The following CEP128 variants were observed in gnomAD, a reference collection of about 807,000 sequenced individuals.
The protein encoded by CEP128 is centrosomal protein 128kDa.
CEP128 carries 132 observed loss-of-function variants against 156.7 expected under a neutral mutation model. That is an observed-to-expected ratio of 0.84 (90% CI 0.73 to 0.97). The LOEUF (loss-of-function observed/expected upper bound fraction) is 0.97. CEP128 is among the 50% of genes least tolerant of loss of function. The pLI, the probability that CEP128 is intolerant of heterozygous loss-of-function variation, is 0.00. For missense variants in CEP128, 1,252 were observed against 1,281.9 expected, an observed-to-expected ratio of 0.98 and a Z score of 0.36; for synonymous variants, 469 against 448.9, an observed-to-expected ratio of 1.04 and a Z score of -0.57.
Position 80,554,784 on chromosome 14 carries a change from G to GT in CEP128, c.2880+4494dup, listed in dbSNP as rs1164604714. Among the ~76,000 whole-genome samples, 4 of 150,904 alleles carry GT rather than the reference G, an allele frequency of 2.7e-5. No individual in the cohort carries two copies. The East Asian group carries it at 5.9e-4, about 22-fold the overall frequency. ...CTTTACTTTGTTAGCCCTATTGCATGTTTTTTTCTATTTCATTAATTTTCA... is the reference window on the plus strand; with the variant it reads ...CTTTACTTTGTTAGCCCTATTGCATGTTTTTTTTCTATTTCATTAATTTTCA... On this transcript the variant is annotated intron_variant, in intron 21 of 24. Transcript: ENST00000555265.
intron 19 of CEP128, among the ~76,000 whole-genome samples, chr14:80,638,277 A>C (rs915899930): frequency 1.3e-5 from 2 of 152,206 alleles, no homozygotes; most frequent in Non-Finnish European, 2.9e-5. Flanking sequence ...ACTTTAGGCC[A>C]CGTAAAACTC....
chr14:80,599,265 C>CTTT (rs375136337), intron 19 of CEP128, among the ~76,000 whole-genome samples: 207 of 85,406 alleles, frequency 2.4e-3, no homozygotes, highest in Non-Finnish European at 2.9e-3. Flanking sequence ...CAGTCATATT[C>CTTT]TTTTTTTTTT....
chr14:80,704,936 C>G (rs1244301933), intron 19 of CEP128, among the ~76,000 whole-genome samples: 1 of 152,006 alleles, frequency 6.6e-6, no homozygotes. Flanking sequence ...CAATGCATGA[C>G]CAATCTTTTT....
intron 19 of CEP128, among the ~76,000 whole-genome samples, chr14:80,682,525 G>A (rs1014106685): frequency 6.6e-5 from 10 of 152,152 alleles, no homozygotes; most frequent in African/African-American, 1.7e-4. Flanking sequence ...AAACGTATTC[G>A]AGGGAATAAT....
chr14:80,887,009 A>G lies in CEP128; in HGVS notation c.645+8709T>C, dbSNP rs565401185. On this transcript the variant is annotated intron_variant, in intron 8 of 24. Coordinates refer to ENST00000555265, the MANE Select transcript of CEP128 (RefSeq NM_152446.5). ...AGTCTCTGATAAAACAGACTTTAAA[A>G]CAAAAAGATCAAAAAAGACAAAGGG... 2.0e-5 allele frequency among the ~76,000 whole-genome samples: 3 copies of G among 152,284 alleles called. No homozygotes were observed. In the South Asian group the frequency reaches 6.2e-4, roughly 32 times the overall value.
At chr14:80,617,030 A>C (rs1196641950) in intron 19 of CEP128, among the ~76,000 whole-genome samples, 1 of 152,030 alleles carries the variant, frequency 6.6e-6, no homozygotes, top group Non-Finnish European at 1.5e-5. Flanking sequence ...TAAAGAAAAA[A>C]AACTTCTGAT....
chr14:80,573,434 A>G (rs1158327705), intron 20 of CEP128, among the ~76,000 whole-genome samples: 2 of 152,146 alleles, frequency 1.3e-5, no homozygotes, highest in Non-Finnish European at 2.9e-5. Context: ...AGAACCAGGC[A>G]TGTTTTTATA....
chr14:80,825,139 GA>G (rs1485944058), intron 13 of CEP128, among the ~76,000 whole-genome samples: 1 of 152,168 alleles, frequency 6.6e-6, no homozygotes, highest in Non-Finnish European at 1.5e-5. Flanking sequence ...CTGCCCCCAT[GA>G]TTCAATAATT....
At chr14:80,684,850 C>T (rs75658276) in intron 19 of CEP128, among the ~76,000 whole-genome samples, 3,810 of 151,732 alleles carry the variant, frequency 0.025, 64 homozygotes, top group Non-Finnish European at 0.039. Context: ...TAAAAAAATA[C>T]GATCATCTCA....
At chr14:80,743,679 T>C (rs1437241005) in intron 18 of CEP128, among the ~76,000 whole-genome samples, 1 of 152,162 alleles carries the variant, frequency 6.6e-6, no homozygotes, top group Admixed American at 6.6e-5. Flanking sequence ...ATAAAATTCC[T>C]AGCATGACTT....
intron 19 of CEP128, among the ~76,000 whole-genome samples, chr14:80,676,534 C>G: frequency 6.6e-6 from 1 of 151,964 alleles, no homozygotes; most frequent in East Asian, 1.9e-4. Context: ...ATATCTTCAT[C>G]TTAGTTTATT....
chr14:80,647,685 T>G (rs142619117), intron 19 of CEP128, among the ~76,000 whole-genome samples: 3 of 152,048 alleles, frequency 2.0e-5, no homozygotes, highest in African/African-American at 7.2e-5. Context: ...GTCTGGTGAA[T>G]AGCGACCAGG....
chr14:80,725,837 A>G (rs1898002368), intron 19 of CEP128, among the ~76,000 whole-genome samples: 1 of 152,214 alleles, frequency 6.6e-6, no homozygotes, highest in African/African-American at 2.4e-5. Context: ...TTTTTCAGCT[A>G]TATTGGTAGA....
rs555124377 is a variant in CEP128, at chr14:80,626,395, C to T, written c.2807-45972G>A. On this transcript the variant is annotated intron_variant, in intron 19 of 24. Transcript: ENST00000555265. ...AGGAGAATGGCGTGAACCCGGGAAG[C>T]GGAGCTTGCAGTGAGCCGAGATTGC... Among the ~76,000 whole-genome samples, 743 of 142,208 alleles carry T rather than the reference C, an allele frequency of 5.2e-3. 12 individuals are homozygous for T. The highest frequency in any genetic ancestry group is 0.019 in the African/African-American group (697 of 36,766). The allele number at this position is 142,208 out of a possible 152,430, so 93.3% of individuals were successfully genotyped here.
At chr14:80,553,681 G>A (rs943904175) in intron 21 of CEP128, among the ~76,000 whole-genome samples, 2 of 152,018 alleles carry the variant, frequency 1.3e-5, no homozygotes, top group African/African-American at 4.8e-5. Context: ...TATGTACTTT[G>A]AATTTTTTGT....
intron 13 of CEP128, among the ~76,000 whole-genome samples, chr14:80,821,268 G>A (rs1241200326): frequency 1.1e-4 from 16 of 152,108 alleles, no homozygotes; most frequent in Non-Finnish European, 2.9e-5. Flanking sequence ...CTATCAAGTT[G>A]AAATCACTCT....
intron 19 of CEP128, among the ~76,000 whole-genome samples, chr14:80,670,255 T>C (rs1895784127): frequency 6.6e-6 from 1 of 152,154 alleles, no homozygotes; most frequent in Non-Finnish European, 1.5e-5. Flanking sequence ...AAAGAATCAT[T>C]ATATAAAAAA....
intron 19 of CEP128, among the ~76,000 whole-genome samples, chr14:80,607,932 T>C (rs564443736): frequency 6.6e-6 from 1 of 152,296 alleles, no homozygotes; most frequent in African/African-American, 2.4e-5. Context: ...TGTCACCTAT[T>C]ACAACTCTCC....
At chr14:80,570,240 C>T (rs1289909113) in intron 20 of CEP128, among the ~76,000 whole-genome samples, 1 of 152,102 alleles carries the variant, frequency 6.6e-6, no homozygotes, top group Non-Finnish European at 1.5e-5. Context: ...GCCTCAGCCT[C>T]CTGAGTAGCT....
Sources: gnomAD v4.1 joint callset for allele counts (sites outside exome capture counted in the v4.1 genomes callset) on GRCh38, gnomAD v4.1.1 for gene constraint, MANE v1.5 for transcripts, NCBI Gene and HGNC (gene_info 2026-07-23, HGNC 2026-07-21) for gene names.